Variants in PIP4K2A observed in about 807,000 individuals in gnomAD.
PIP4K2A encodes the protein phosphatidylinositol-5-phosphate 4-kinase type 2 alpha.
PIP4K2A carries 14 observed loss-of-function variants against 42.9 expected under a neutral mutation model. That is an observed-to-expected ratio of 0.33 (90% confidence interval 0.22 to 0.51). The LOEUF (loss-of-function observed/expected upper bound fraction) is 0.51. Among genes scored for constraint, PIP4K2A ranks in the 20% least tolerant of loss-of-function variants. PIP4K2A has a pLI of 0.97. For missense variants in PIP4K2A, 434 were observed against 519.8 expected, an observed-to-expected ratio of 0.83 and a Z score of 1.61; for synonymous variants, 192 against 192.2, an observed-to-expected ratio of 1.00 and a Z score of 0.01.
intron 4 of PIP4K2A, among the ~76,000 whole-genome samples, chr10:22,586,104 T>C (rs1285605209): frequency 6.6e-6 from 1 of 152,210 alleles, no homozygotes; most frequent in African/African-American, 2.4e-5. Context: ...AGGATCCGAG[T>C]TTCTTACAGC....
At chr10:22,664,202 T>TACATATATATATAC (rs1564460319) in intron 1 of PIP4K2A, among the ~76,000 whole-genome samples, 3 of 63,320 alleles carry the variant, frequency 4.7e-5, no homozygotes, top group African/African-American at 4.3e-4. Context: ...CATATATATA[T>TACATATATATATAC]ACATATATAT....
At chr10:22,609,537 C>T (rs781625064) in intron 2 of PIP4K2A, 83 bp downstream of exon 2, 33 of 788,930 alleles carry the variant, frequency 4.2e-5, no homozygotes, top group Non-Finnish European at 6.0e-5. Flanking sequence ...CACCCATTGA[C>T]AAATTATGTG....
At chr10:22,589,575 C>T (rs1239450318) in intron 4 of PIP4K2A, among the ~76,000 whole-genome samples, 1 of 152,210 alleles carries the variant, frequency 6.6e-6, no homozygotes, top group Non-Finnish European at 1.5e-5. Context: ...TTATAGACTT[C>T]ACTGCAAGCA....
At chr10:22,569,152 G>C in intron 5 of PIP4K2A, 1 of 874,876 alleles carries the variant, frequency 1.1e-6, no homozygotes, top group East Asian at 2.6e-5. Context: ...GCGGAAACTT[G>C]AACGGAAGAG....
At chr10:22,695,692 C>A (rs1205930571) in intron 1 of PIP4K2A, among the ~76,000 whole-genome samples, 2 of 152,164 alleles carry the variant, frequency 1.3e-5, no homozygotes, top group Non-Finnish European at 2.9e-5. Flanking sequence ...TGCTCAAGTC[C>A]CTAATACAAA....
At chr10:22,554,735 C>T (rs1012958820) in intron 6 of PIP4K2A, among the ~76,000 whole-genome samples, 5 of 152,176 alleles carry the variant, frequency 3.3e-5, no homozygotes, top group South Asian at 2.1e-4. Flanking sequence ...TAAGGCGGGA[C>T]GATTGCTGTA....
chr10:22,590,970 T>C (rs1837496955), intron 4 of PIP4K2A, among the ~76,000 whole-genome samples: 2 of 152,246 alleles, frequency 1.3e-5, no homozygotes, highest in African/African-American at 2.4e-5. Flanking sequence ...TTATACTCCA[T>C]GGTGAAGGAG....
chr10:22,714,375 C>T lies in PIP4K2A; in HGVS notation c.-49G>A, dbSNP rs1291187446. 4.8e-6 allele frequency: 7 copies of T among 1,452,808 alleles called. No homozygotes were observed. Among genetic ancestry groups the T allele is most frequent in the Non-Finnish European group, 6.4e-6 (7 of 1,092,824 alleles). The allele number at this position is 1,452,808 out of a possible 1,614,324, so 90.0% of individuals were successfully genotyped here. On this transcript the variant is annotated 5_prime_UTR_variant, in exon 1 of 10. Coordinates refer to ENST00000376573, the MANE Select transcript of PIP4K2A (RefSeq NM_005028.5). The stretch of plus-strand genomic sequence containing the variant: ...CCGCCGTGCTCCCGAGGCCGGGGAC[C>T]CGCCCTCTCTACACCCCGGCCCGGG...
chr10:22,617,020 C>A (rs1040839849), intron 1 of PIP4K2A, among the ~76,000 whole-genome samples: 6 of 152,188 alleles, frequency 3.9e-5, no homozygotes, highest in African/African-American at 1.4e-4. Flanking sequence ...TAACACAAAA[C>A]ACAGTAACAT....
At chr10:22,594,429 T>C (rs1837584015) in intron 3 of PIP4K2A, among the ~76,000 whole-genome samples, 2 of 152,262 alleles carry the variant, frequency 1.3e-5, no homozygotes, top group African/African-American at 4.8e-5. Flanking sequence ...AGGTTCTCAC[T>C]GTGTTGCCCA....
intron 1 of PIP4K2A, among the ~76,000 whole-genome samples, chr10:22,653,456 G>T (rs564476923): frequency 1.6e-4 from 24 of 152,182 alleles, no homozygotes; most frequent in Non-Finnish European, 2.6e-4. Flanking sequence ...TGAACTGTCA[G>T]CAACAACAGG....
chr10:22,638,025 G>A (rs932650528), intron 1 of PIP4K2A, among the ~76,000 whole-genome samples: 5 of 152,082 alleles, frequency 3.3e-5, no homozygotes, highest in Admixed American at 6.6e-5. Context: ...CAATTCGATC[G>A]GCTAATTCTG....
intron 1 of PIP4K2A, among the ~76,000 whole-genome samples, chr10:22,703,487 C>T (rs1462831401): frequency 6.6e-6 from 1 of 152,162 alleles, no homozygotes; most frequent in Non-Finnish European, 1.5e-5. Flanking sequence ...ACTGTGGCTG[C>T]TCTGAGCTTG....
At chr10:22,664,246 CACACAT>C (rs1418257613) in intron 1 of PIP4K2A, among the ~76,000 whole-genome samples, 3 of 133,024 alleles carry the variant, frequency 2.3e-5, no homozygotes, top group Admixed American at 8.1e-5. Flanking sequence ...CACACACACA[CACACAT>C]ATATATATAC....
rs72816866 is a variant in PIP4K2A, at chr10:22,695,943, C to A, written c.144+18240G>T. On this transcript the variant is annotated intron_variant, in intron 1 of 9. Coordinates refer to ENST00000376573, the MANE Select transcript of PIP4K2A (RefSeq NM_005028.5). ...TGACTGTATACAGATTTCTTCCCCC[C>A]ACTCATCTCACCTTAGAGCATGTCT... Among the ~76,000 whole-genome samples, 1,043 of 152,236 alleles carry A rather than the reference C, an allele frequency of 6.9e-3. 7 individuals are homozygous for A. Among genetic ancestry groups the A allele is most frequent in the Non-Finnish European group, 0.012 (818 of 67,998 alleles).
chr10:22,544,189 C>T (rs1564413566), intron 7 of PIP4K2A, among the ~76,000 whole-genome samples: 1 of 152,156 alleles, frequency 6.6e-6, no homozygotes, highest in South Asian at 2.1e-4. Context: ...CAGCAGCACA[C>T]ATGGCACTGC....
At chr10:22,668,871 A>C (rs903769016) in intron 1 of PIP4K2A, among the ~76,000 whole-genome samples, 2 of 152,236 alleles carry the variant, frequency 1.3e-5, no homozygotes, top group Admixed American at 1.3e-4. Flanking sequence ...GTAAAGAAAA[A>C]ATACCAAATA....
At chr10:22,606,085 C>T (rs2256542) in intron 3 of PIP4K2A, among the ~76,000 whole-genome samples, 86,897 of 149,778 alleles carry the variant, frequency 0.58, 26,344 homozygotes, top group East Asian at 0.87. Context: ...TCTGGGAGGA[C>T]GGCTTGAGGC....
intron 4 of PIP4K2A, among the ~76,000 whole-genome samples, chr10:22,574,716 C>T (rs552647406): frequency 1.3e-5 from 2 of 152,216 alleles, no homozygotes; most frequent in South Asian, 2.1e-4. Flanking sequence ...AAATTTTAAT[C>T]TCATGTAATT....
Sources: gnomAD v4.1 joint callset for allele counts (sites outside exome capture counted in the v4.1 genomes callset) on GRCh38, gnomAD v4.1.1 for gene constraint, MANE v1.5 for transcripts, NCBI Gene and HGNC (gene_info 2026-07-23, HGNC 2026-07-21) for gene names.